Variants in SLC17A6 observed in about 807,000 individuals in gnomAD.
SLC17A6 encodes solute carrier family 17 member 6.
Under a neutral mutation model 67.1 loss-of-function variants are expected in SLC17A6, and 35 were observed. The observed-to-expected ratio is 0.52, with a 90% CI of 0.40 to 0.69. The LOEUF (loss-of-function observed/expected upper bound fraction) is 0.69, where lower values mean the gene tolerates loss of function less well. Ranked by LOEUF, SLC17A6 falls within the 30% of genes least tolerant of loss-of-function variation. The pLI is 0.00. For missense variants in SLC17A6, 588 were observed against 723.9 expected (o/e 0.81, Z 2.15); for synonymous variants, 285 against 252.3 (o/e 1.13, Z -1.23).
At position 22,376,562 on chromosome 11, in the gene SLC17A6, T is replaced by C; in HGVS notation, c.1303T>C (p.Leu435=). The C allele has an allele frequency of 6.2e-7, 1 of 1,614,014 alleles. No homozygotes were observed. The highest frequency in any genetic ancestry group is 8.5e-7 in the Non-Finnish European group (1 of 1,179,930). Residue 435 remains leucine, a synonymous_variant, in exon 11 of 12, where the codon TTG becomes CTG. Coordinates refer to ENST00000263160, the MANE Select transcript of SLC17A6 (RefSeq NM_020346.3). ...FAISGFNVNH[L]DIAPRYASIL... ...TATTTCAGGTTTCAATGTTAACCACTTGGATATCGCTCCAAGATATGCCAG... is the reference window on the plus strand; with the variant it reads ...TATTTCAGGTTTCAATGTTAACCACCTGGATATCGCTCCAAGATATGCCAG...
chr11:22,339,155 A>ATATATATATGT lies in SLC17A6; in HGVS notation c.86+546_86+556dup, dbSNP rs1855780036. Among the ~76,000 whole-genome samples the ATATATATATGT allele has an allele frequency of 9.1e-4, 26 of 28,708 alleles. 4 individuals are homozygous for ATATATATATGT. Among genetic ancestry groups the ATATATATATGT allele is most frequent in the African/African-American group, 3.3e-3 (17 of 5,178 alleles). The allele number at this position is 28,708 out of a possible 152,430, so 18.8% of individuals were successfully genotyped here. On this transcript the variant is annotated intron_variant, in intron 1 of 11. Transcript: ENST00000263160. ...TTATATATATATGTTATATATAGTTATATATATATGTTATATATATATGTT... is the reference window on the plus strand; with the variant it reads ...TTATATATATATGTTATATATAGTTATATATATATGTTATATATATGTTATATATATATGTT...
chr11:22,356,760 C>T (rs1156644692), intron 3 of SLC17A6, among the ~76,000 whole-genome samples: 4 of 152,308 alleles, frequency 2.6e-5, no homozygotes, highest in Non-Finnish European at 4.4e-5. Context: ...TGCTTGAACC[C>T]AGGAGGCAGA....
At position 22,378,872 on chromosome 11, in the gene SLC17A6, T is replaced by C. The variant is rs1176646867; in HGVS notation, c.*1132T>C. ...TATATATATCTGTATATCTTATACA[T>C]GTCCATACACAGAAACATAATAAAC... On this transcript the variant is annotated 3_prime_UTR_variant, in exon 12 of 12. Transcript: ENST00000263160. The C allele has an allele frequency of 6.6e-6, 1 of 152,138 alleles. No individual in the cohort carries two copies. Among genetic ancestry groups the C allele is most frequent in the East Asian group, 1.9e-4 (1 of 5,198 alleles). The allele number at this position is 152,138 out of a possible 1,614,324, so 9.4% of individuals were successfully genotyped here.
chr11:22,370,269 A>G (rs1856161143), intron 8 of SLC17A6, 81 bp downstream of exon 8: 3 of 1,176,000 alleles, frequency 2.6e-6, no homozygotes, highest in Non-Finnish European at 3.6e-6. Flanking sequence ...AAAAATTTTT[A>G]TCTTCTAATT....
At chr11:22,377,208 T>G (rs560458899) in intron 11 of SLC17A6, among the ~76,000 whole-genome samples, 197 bp from the exon 12 acceptor site, 1 of 152,344 alleles carries the variant, frequency 6.6e-6, no homozygotes, top group South Asian at 2.1e-4. Flanking sequence ...TTCTAAACTT[T>G]TAGATTTAAA....
intron 8 of SLC17A6, among the ~76,000 whole-genome samples, chr11:22,372,293 A>G (rs1856182581): frequency 6.6e-6 from 1 of 151,412 alleles, no homozygotes; most frequent in South Asian, 2.1e-4. Flanking sequence ...ATATACATAT[A>G]TATATCATTA....
chr11:22,374,931 A>G (rs767341783), intron 9 of SLC17A6, 44 bp downstream of exon 9: 4 of 1,555,248 alleles, frequency 2.6e-6, no homozygotes, highest in South Asian at 1.2e-5. Context: ...TAGTTCAATC[A>G]GTTTAACCTA....
chr11:22,343,409 T>G, intron 3 of SLC17A6, 44 bp downstream of exon 3: 1 of 1,527,430 alleles, frequency 6.5e-7, no homozygotes, highest in Non-Finnish European at 8.9e-7. Flanking sequence ...TGGTGTTTGT[T>G]TCCTCCGAAG....
intron 5 of SLC17A6, 21 bp downstream of exon 5, chr11:22,361,005 C>T: frequency 6.3e-7 from 1 of 1,599,780 alleles, no homozygotes; most frequent in East Asian, 2.2e-5. Context: ...TGTGCAGATG[C>T]AGCTATGGTG....
intron 3 of SLC17A6, among the ~76,000 whole-genome samples, chr11:22,352,150 A>T (rs890547005): frequency 1.4e-5 from 2 of 146,880 alleles, no homozygotes; most frequent in Admixed American, 7.3e-5. Context: ...TCAGAGGCTG[A>T]TGAGGATCTA....
rs114754786 is a variant in SLC17A6, at chr11:22,348,343, G to A, written c.458+4978G>A. 4.5e-3 allele frequency among the ~76,000 whole-genome samples: 683 copies of A among 152,232 alleles called. 8 individuals carry two copies. The highest frequency in any genetic ancestry group is 0.016 in the African/African-American group (660 of 41,546). ...TGAATTAGCGAGAGAAGCCTTTAGC[G>A]GGCCCAAGGGATCCTTAGATTTTAT... On this transcript the variant is annotated intron_variant, in intron 3 of 11. Transcript: ENST00000263160.
At chr11:22,346,769 T>C (rs776110654) in intron 3 of SLC17A6, among the ~76,000 whole-genome samples, 4 of 150,244 alleles carry the variant, frequency 2.7e-5, no homozygotes, top group Non-Finnish European at 3.0e-5. Context: ...TAAATTGCTG[T>C]GAAGAACACG....
At position 22,341,576 on chromosome 11, in the gene SLC17A6, G is replaced by A; in HGVS notation, c.135G>A (p.Glu45=). ...CCGGGGAGACAATCGAGCTGACGGAGGATGGGAAGCCCCTAGAGGTGCCCG... is the reference window on the plus strand; with the variant it reads ...CCGGGGAGACAATCGAGCTGACGGAAGATGGGAAGCCCCTAGAGGTGCCCG... ...QDTGETIELT[E]DGKPLEVPER... Residue 45 remains glutamate, a synonymous_variant, in exon 2 of 12, where the codon GAG becomes GAA. Coordinates refer to ENST00000263160, the MANE Select transcript of SLC17A6 (RefSeq NM_020346.3). 6.2e-7 allele frequency: 1 copy of A among 1,614,080 alleles called. No homozygotes were observed. The highest frequency in any genetic ancestry group is 8.5e-7 in the Non-Finnish European group (1 of 1,180,028).
intron 3 of SLC17A6, 102 bp downstream of exon 3, chr11:22,343,467 AC>A: frequency 2.1e-6 from 2 of 959,788 alleles, no homozygotes; most frequent in Non-Finnish European, 3.1e-6. Context: ...GGGTTTGAGG[AC>A]TCCCGGGCGA....
intron 5 of SLC17A6, 94 bp downstream of exon 5, chr11:22,361,078 A>T (rs765045846): frequency 1.7e-5 from 17 of 975,018 alleles, no homozygotes; most frequent in Non-Finnish European, 2.5e-5. Flanking sequence ...CTGTAAAACC[A>T]TCTGGGTTTT....
intron 4 of SLC17A6, among the ~76,000 whole-genome samples, 175 bp downstream of exon 4, chr11:22,359,702 A>G (rs750380419): frequency 6.6e-6 from 1 of 152,204 alleles, no homozygotes; most frequent in East Asian, 1.9e-4. Flanking sequence ...TCCATAAATG[A>G]TATGAAACCA....
intron 6 of SLC17A6, among the ~76,000 whole-genome samples, chr11:22,363,782 T>A (rs1245291026): frequency 6.6e-6 from 1 of 152,162 alleles, no homozygotes; most frequent in African/African-American, 2.4e-5. Flanking sequence ...CGTGAACATT[T>A]TTTTTTTCTT....
rs555571734 is a variant in SLC17A6 at position 22,359,393 on chromosome 11, T to C, written c.459-20T>C. 34 of 1,473,968 alleles carry C rather than the reference T, an allele frequency of 2.3e-5. No homozygotes were observed. The South Asian group carries it at 3.8e-4, about 17-fold the overall frequency. 91.3% of individuals were successfully genotyped at this position (1,473,968 alleles called of 1,614,324 possible). A position where few individuals can be genotyped will look rare whatever the true frequency, so the allele number is the denominator to read the frequency against. ...AGATGCTGAATCATTTAAACAGTGT[T>C]CTCATCTTTTCTATTTCAGGGTTTT... On this transcript the variant is annotated intron_variant, in intron 3 of 11. Coordinates refer to ENST00000263160, the MANE Select transcript of SLC17A6 (RefSeq NM_020346.3).
In SLC17A6 at chr11:22,377,665, G is replaced by A; in HGVS notation, c.1674G>A (p.Trp558Ter). ...CCAATGGAGGTTGGCCTAGTGGTTG[G>A]GAAAAGAAAGAGGAATTTGTACAAG... The part of the protein sequence containing the change: ...TQANGGWPSG[W>*]EKKEEFVQGE... The change falls in exon 12 of 12, where the codon TGG (tryptophan) becomes TGA (stop). Residue 558 changes from tryptophan to a stop codon, truncating the protein, a stop_gained. Transcript: ENST00000263160. LOFTEE classifies it high-confidence loss of function. 6.2e-7 allele frequency: 1 copy of A among 1,612,944 alleles called. No individual in the cohort carries two copies. The highest frequency in any genetic ancestry group is 1.3e-5 in the African/African-American group (1 of 74,876).
Sources: allele counts gnomAD v4.1 joint callset (sites outside exome capture counted in the v4.1 genomes callset), GRCh38; gene constraint gnomAD v4.1.1; transcripts MANE v1.5; gene names NCBI Gene and HGNC (gene_info 2026-07-23, HGNC 2026-07-21).